Variants in SLC13A3 observed in about 807,000 individuals in gnomAD.
The protein encoded by SLC13A3 is solute carrier family 13 member 3.
In SLC13A3, 40 loss-of-function variants were observed where a neutral mutation model predicts 59.0. That is an observed-to-expected ratio of 0.68 (90% CI 0.53 to 0.88). SLC13A3 has a LOEUF of 0.88. SLC13A3 is among the 40% of genes least tolerant of loss of function. The pLI is 0.00. For synonymous variants in SLC13A3, 317 were observed against 330.3 expected, an observed-to-expected ratio of 0.96 and a Z score of 0.44; for missense variants, 699 against 783.2, an observed-to-expected ratio of 0.89 and a Z score of 1.28.
Position 46,559,903 on chromosome 20 carries a change from G to T in SLC13A3, c.*119C>A. On this transcript the variant is annotated 3_prime_UTR_variant, in exon 13 of 13. Transcript: ENST00000279027. ...GAGTGGGCCACTGGAGGTCACCCTT[G>T]CTTGCTGCATATTGGATTACAGAAA... The T allele has an allele frequency of 3.9e-6, 4 of 1,029,890 alleles. No individual in the cohort carries two copies. The highest frequency in any genetic ancestry group is 5.7e-6 in the Non-Finnish European group (4 of 701,302). The allele number at this position is 1,029,890 out of a possible 1,614,324, so 63.8% of individuals were successfully genotyped here.
At chr20:46,678,221 T>G (rs1334132407) in intron 1 of SLC13A3, among the ~76,000 whole-genome samples, 1 of 152,128 alleles carries the variant, frequency 6.6e-6, no homozygotes, top group Admixed American at 6.5e-5. Flanking sequence ...TCCCAGGCCT[T>G]GGTAAGAAGG....
intron 1 of SLC13A3, among the ~76,000 whole-genome samples, chr20:46,629,683 A>G (rs987051092): frequency 2.6e-5 from 4 of 152,072 alleles, no homozygotes; most frequent in Non-Finnish European, 2.9e-5. Flanking sequence ...CAGCCTTTAT[A>G]ACAGAATAGC....
chr20:46,583,051 G>A (rs6124821), intron 9 of SLC13A3: 25 of 985,684 alleles, frequency 2.5e-5, no homozygotes, highest in Non-Finnish European at 2.9e-5. Flanking sequence ...GGGCAACCAA[G>A]GTGCAACTCC....
chr20:46,660,996 C>G (rs1419261028), intron 1 of SLC13A3, among the ~76,000 whole-genome samples: 6 of 152,112 alleles, frequency 3.9e-5, no homozygotes, highest in African/African-American at 1.4e-4. Flanking sequence ...TTCCAGGTCT[C>G]TGCTGAAGTT....
At chr20:46,592,284 A>G in intron 6 of SLC13A3, 120 bp downstream of exon 6, 1 of 1,273,708 alleles carries the variant, frequency 7.9e-7, no homozygotes, top group Non-Finnish European at 1.1e-6. Context: ...TACATAAAAG[A>G]AAGAAATGAG....
intron 9 of SLC13A3, among the ~76,000 whole-genome samples, chr20:46,578,376 TAAAC>T (rs2062099760): frequency 6.6e-6 from 1 of 151,890 alleles, no homozygotes; most frequent in Non-Finnish European, 1.5e-5. Flanking sequence ...AGTCAGGTGA[TAAAC>T]AAATAAATAT....
intron 11 of SLC13A3, among the ~76,000 whole-genome samples, chr20:46,564,747 G>A (rs1047856010): frequency 6.6e-6 from 1 of 152,212 alleles, no homozygotes; most frequent in Non-Finnish European, 1.5e-5. Flanking sequence ...TTCTCTAGAT[G>A]TAATCAATGA....
chr20:46,666,942 G>A (rs1226116826), intron 1 of SLC13A3, among the ~76,000 whole-genome samples: 1 of 152,016 alleles, frequency 6.6e-6, no homozygotes, highest in African/African-American at 2.4e-5. Flanking sequence ...ACGTGACAAT[G>A]GCAAAATTCC....
At position 46,580,865 on chromosome 20, in the gene SLC13A3, G is replaced by A. The variant is rs561259304; in HGVS notation, c.1219+2707C>T. Among the ~76,000 whole-genome samples the A allele has an allele frequency of 2.0e-5, 3 of 152,246 alleles. No homozygotes were observed. In the South Asian group the frequency reaches 6.2e-4, roughly 32 times the overall value. On this transcript the variant is annotated intron_variant, in intron 9 of 12. Coordinates refer to ENST00000279027, the MANE Select transcript of SLC13A3 (RefSeq NM_022829.6). ...ACCATGTCAATCTACCATTGCCATG[G>A]CAACACCCAGAAGTTACCATCCCTT...
At chr20:46,655,204 G>A (rs907100754), upstream of SLC13A3, among the ~76,000 whole-genome samples, 17 of 42,740 alleles carry the variant, frequency 4.0e-4, no homozygotes, top group Non-Finnish European at 7.8e-4. Context: ...AGCTTCTTGG[G>A]TCTGTAGATT....
chr20:46,639,105 C>T (rs933564342), intron 1 of SLC13A3, among the ~76,000 whole-genome samples: 12 of 151,250 alleles, frequency 7.9e-5, no homozygotes, highest in Admixed American at 6.0e-4. Context: ...AACTGAAGCA[C>T]GAAGAGGTTA....
chr20:46,661,324 C>T (rs1159581408), intron 1 of SLC13A3, among the ~76,000 whole-genome samples: 6 of 152,130 alleles, frequency 3.9e-5, no homozygotes, highest in Admixed American at 2.6e-4. Context: ...TGGAGTTAAT[C>T]GGTTTTACCC....
intron 12 of SLC13A3, 38 bp downstream of exon 12, chr20:46,563,376 A>G: frequency 1.3e-6 from 2 of 1,598,672 alleles, no homozygotes; most frequent in Non-Finnish European, 1.7e-6. Context: ...CGGCCCACCC[A>G]CATCCCGGGG....
chr20:46,636,392 T>C (rs993247575), intron 1 of SLC13A3, among the ~76,000 whole-genome samples: 3 of 152,228 alleles, frequency 2.0e-5, no homozygotes, highest in African/African-American at 7.2e-5. Flanking sequence ...AGGTACTCAA[T>C]TGAAATTTTT....
In SLC13A3 at chr20:46,588,692, AC is replaced by A. The variant is rs140088840; in HGVS notation, c.1016+467del. On this transcript the variant is annotated intron_variant, in intron 7 of 12. Transcript: ENST00000279027. ...TCCCCAAGAGTTGGAGGAGACAGTT[AC>A]CCAATGTACCCATTTCACAGACTGG... Among the ~76,000 whole-genome samples, 81 of 152,214 alleles carry A rather than the reference AC, an allele frequency of 5.3e-4. 2 individuals carry two copies. In the East Asian group the frequency reaches 0.014, roughly 27 times the overall value.
At chr20:46,677,202 C>T (rs1200287095) in intron 1 of SLC13A3, among the ~76,000 whole-genome samples, 1 of 152,212 alleles carries the variant, frequency 6.6e-6, no homozygotes, top group Admixed American at 6.5e-5. Flanking sequence ...GCACAAGCCA[C>T]CACCTGGCCT....
chr20:46,658,916 T>C (rs1378777197), intron 1 of SLC13A3, among the ~76,000 whole-genome samples: 1 of 152,236 alleles, frequency 6.6e-6, no homozygotes, highest in Non-Finnish European at 1.5e-5. Context: ...ATCTCTCTCT[T>C]TATCACCATA....
intron 8 of SLC13A3, chr20:46,585,133 A>G: frequency 1.0e-6 from 1 of 984,698 alleles, no homozygotes; most frequent in Non-Finnish European, 1.2e-6. Context: ...CCTGAGTCCA[A>G]GAAAATAAAA....
intron 1 of SLC13A3, among the ~76,000 whole-genome samples, chr20:46,626,830 A>AGGTCTTTGCACCTGCTGTTCCCTCTGCCT (rs2062678471): frequency 6.6e-6 from 1 of 150,774 alleles, no homozygotes; most frequent in South Asian, 2.1e-4. Context: ...CAAGCAGGCC[A>AGGTCTTTGCACCTGCTGTTCCCTCTGCCT]GGCCTTTTCC....
Sources: gnomAD v4.1 joint callset for allele counts (sites outside exome capture counted in the v4.1 genomes callset) on GRCh38, gnomAD v4.1.1 for gene constraint, MANE v1.5 for transcripts, NCBI Gene and HGNC (gene_info 2026-07-23, HGNC 2026-07-21) for gene names.